RERE: variants seen among roughly 807,000 people sequenced by gnomAD.
The protein encoded by RERE is arginine-glutamic acid dipeptide repeats protein.
In RERE, 40 loss-of-function variants were observed where a neutral mutation model predicts 146.1. That is an observed-to-expected ratio of 0.27 (90% CI 0.21 to 0.36). The LOEUF is 0.36. Among genes scored for constraint, RERE ranks in the 10% least tolerant of loss-of-function variants. RERE has a pLI of 1.00. For missense variants in RERE, 1,933 were observed against 2,138.7 expected (o/e 0.90, Z 1.90); for synonymous variants, 1,003 against 866.0 (o/e 1.16, Z -2.78).
At chr1:8,658,772 G>C in intron 1 of RERE, among the ~76,000 whole-genome samples, 1 of 150,578 alleles carries the variant, frequency 6.6e-6, no homozygotes, top group African/African-American at 2.5e-5. Context: ...AAAAAAGAAA[G>C]AAAGAAAGAA....
chr1:8,437,809 T>C (rs893684881), intron 11 of RERE, among the ~76,000 whole-genome samples: 2 of 152,106 alleles, frequency 1.3e-5, no homozygotes, highest in Non-Finnish European at 2.9e-5. Flanking sequence ...AGTATTTCTC[T>C]AAAATTTTAC....
intron 4 of RERE, among the ~76,000 whole-genome samples, chr1:8,573,356 C>T (rs933609883): frequency 2.0e-5 from 3 of 152,042 alleles, no homozygotes; most frequent in Admixed American, 2.0e-4. Context: ...ACTAAAAATA[C>T]ATAAGGTATT....
chr1:8,777,124 C>T (rs1472336012), intron 1 of RERE, among the ~76,000 whole-genome samples: 1 of 152,126 alleles, frequency 6.6e-6, no homozygotes, highest in Non-Finnish European at 1.5e-5. Flanking sequence ...AAGCACTTCA[C>T]CTTTGAAGGA....
At chr1:8,689,442 T>C (rs1021083575) in intron 1 of RERE, among the ~76,000 whole-genome samples, 2 of 152,216 alleles carry the variant, frequency 1.3e-5, no homozygotes, top group Non-Finnish European at 2.9e-5. Context: ...AACAAACCAA[T>C]ACCTGTATAA....
chr1:8,631,730 A>G (rs1647037680), intron 2 of RERE, among the ~76,000 whole-genome samples: 1 of 152,242 alleles, frequency 6.6e-6, no homozygotes, highest in African/African-American at 2.4e-5. Flanking sequence ...GAGTTTAGCC[A>G]ATGTAACATC....
At chr1:8,382,279 C>A (rs147553496) in intron 12 of RERE, among the ~76,000 whole-genome samples, 74 of 152,376 alleles carry the variant, frequency 4.9e-4, no homozygotes, top group Admixed American at 9.1e-4. Context: ...TCTCTGCCAA[C>A]GGCAGTGGTC....
intron 12 of RERE, among the ~76,000 whole-genome samples, chr1:8,386,003 T>A (rs1445271417): frequency 6.5e-4 from 24 of 36,812 alleles, no homozygotes; most frequent in Non-Finnish European, 6.5e-4. Context: ...AATATATATA[T>A]ATATATATAT....
At chr1:8,715,406 G>A (rs1639745769) in intron 1 of RERE, among the ~76,000 whole-genome samples, 1 of 151,914 alleles carries the variant, frequency 6.6e-6, no homozygotes, top group Non-Finnish European at 1.5e-5. Flanking sequence ...TGCTACTGGG[G>A]AGGCTGAGGC....
chr1:8,782,530 A>ACAT (rs1641183967), intron 1 of RERE, among the ~76,000 whole-genome samples: 1 of 152,236 alleles, frequency 6.6e-6, no homozygotes, highest in South Asian at 2.1e-4. Context: ...CATGAATTCC[A>ACAT]GACTCTTACA....
intron 1 of RERE, chr1:8,798,703 T>C (rs1178759364): frequency 6.3e-6 from 1 of 158,644 alleles, no homozygotes; most frequent in Non-Finnish European, 1.4e-5. Context: ...TTTTTCTTTT[T>C]TTTTTTGAGG....
At chr1:8,455,934 G>A (rs1390624675) in intron 11 of RERE, among the ~76,000 whole-genome samples, 1 of 152,186 alleles carries the variant, frequency 6.6e-6, no homozygotes, top group African/African-American at 2.4e-5. Flanking sequence ...TAACCTCTCA[G>A]AAGAACGAGT....
Position 8,812,244 on chromosome 1 carries a change from C to T in RERE, c.-145+4916G>A, listed in dbSNP as rs543662966. Among the ~76,000 whole-genome samples the T allele has an allele frequency of 2.1e-4, 32 of 152,186 alleles. No homozygotes were observed. In the South Asian group the frequency reaches 6.0e-3, roughly 29 times the overall value. ...TAGGGTATGAGGATTCCTCAAATAC[C>T]GAGTGGTTTATGAATTAGAGGCCAC... On this transcript the variant is annotated intron_variant, in intron 1 of 22. Transcript: ENST00000400908.
At chr1:8,630,359 T>G (rs1339407435) in intron 2 of RERE, among the ~76,000 whole-genome samples, 1 of 151,000 alleles carries the variant, frequency 6.6e-6, no homozygotes, top group Non-Finnish European at 1.5e-5. Context: ...TAGTAAACAC[T>G]CAAAAATTAT....
At chr1:8,547,882 G>C (rs544566472) in intron 6 of RERE, among the ~76,000 whole-genome samples, 3 of 152,246 alleles carry the variant, frequency 2.0e-5, no homozygotes, top group African/African-American at 7.2e-5. Flanking sequence ...CGTTCCCAAT[G>C]ATAAGAAAAT....
At chr1:8,575,561 A>ATATATATATT (rs1337650659) in intron 4 of RERE, among the ~76,000 whole-genome samples, 20 of 98,646 alleles carry the variant, frequency 2.0e-4, no homozygotes, top group African/African-American at 7.4e-4. Context: ...ATATATATAT[A>ATATATATATT]TTTTTTTTTT....
Position 8,557,403 on chromosome 1 carries a change from C to A in RERE, c.628+15G>T. ...GCTAAGAAACACACAAATCAAACCACAAGGACATATTTACCATTTTCATTA... is the reference window on the plus strand; with the variant it reads ...GCTAAGAAACACACAAATCAAACCAAAAGGACATATTTACCATTTTCATTA... On this transcript the variant is annotated intron_variant, in intron 5 of 22. Transcript: ENST00000400908. The A allele has an allele frequency of 6.8e-7, 1 of 1,471,710 alleles. No homozygotes were observed. The highest frequency in any genetic ancestry group is 1.1e-5 in the South Asian group (1 of 87,942). The allele number at this position is 1,471,710 out of a possible 1,614,324, so 91.2% of individuals were successfully genotyped here. A position where few individuals can be genotyped will look rare whatever the true frequency, so the allele number is the denominator to read the frequency against.
chr1:8,379,253 T>C (rs980560125), intron 12 of RERE, among the ~76,000 whole-genome samples: 14 of 151,986 alleles, frequency 9.2e-5, no homozygotes, highest in Non-Finnish European at 1.9e-4. Flanking sequence ...TTAATTCTGG[T>C]CAGTTTCCAC....
chr1:8,752,363 G>GA (rs1038661304), intron 1 of RERE, among the ~76,000 whole-genome samples: 5 of 151,404 alleles, frequency 3.3e-5, no homozygotes, highest in Admixed American at 6.6e-5. Context: ...TTTAAAAAAA[G>GA]AAAAAAAATA....
chr1:8,548,660 G>A (rs1226591170), intron 6 of RERE, among the ~76,000 whole-genome samples: 1 of 152,194 alleles, frequency 6.6e-6, no homozygotes, highest in African/African-American at 2.4e-5. Context: ...CTGTGTTGGA[G>A]AAAGCAGTTA....
Sources: allele counts gnomAD v4.1 joint callset (sites outside exome capture counted in the v4.1 genomes callset), GRCh38; gene constraint gnomAD v4.1.1; transcripts MANE v1.5; gene names NCBI Gene and HGNC (gene_info 2026-07-23, HGNC 2026-07-21).